The following PCDHGC3 variants were observed in gnomAD, a reference collection of about 807,000 sequenced individuals.
The protein encoded by PCDHGC3 is protocadherin gamma-C3.
A neutral mutation model predicts 59.2 loss-of-function variants in PCDHGC3; 26 were observed. The observed-to-expected ratio is 0.44, with a 90% CI of 0.32 to 0.61. The LOEUF is 0.61. PCDHGC3 is among the 20% of genes least tolerant of loss of function. PCDHGC3 has a pLI of 0.05. For missense variants in PCDHGC3, 1,080 were observed against 1,221.8 expected (o/e 0.88, Z 1.73); for synonymous variants, 487 against 519.7 (o/e 0.94, Z 0.86).
In PCDHGC3 at chr5:141,478,408, G is replaced by C; in HGVS notation, c.2292G>C (p.Thr764=). The stretch of plus-strand genomic sequence containing the variant: ...TTTACCATCAGGTGTATCTCACCAC[G>C]GACTCCCGCCGCAGCGACCCGCTGC... ...PHLYHQVYLT[T]DSRRSDPLLK... The change falls in exon 1 of 4, where the codon ACG becomes ACC. Residue 764 remains threonine, a synonymous_variant. Coordinates refer to ENST00000308177, the MANE Select transcript of PCDHGC3 (RefSeq NM_002588.4). The C allele has an allele frequency of 6.2e-7, 1 of 1,613,340 alleles. No homozygotes were observed. The highest frequency in any genetic ancestry group is 8.5e-7 in the Non-Finnish European group (1 of 1,179,974).
chr5:141,511,391 C>G lies in PCDHGC3; in HGVS notation c.*218C>G. ...TGCAAAAGCAGTTCCGCTGGGAACC[C>G]CCATCCAATCAACTGCTGTACCCAT... is the stretch of plus-strand genomic sequence containing the variant. On this transcript the variant is annotated 3_prime_UTR_variant, in exon 4 of 4. Coordinates refer to ENST00000308177, the MANE Select transcript of PCDHGC3 (RefSeq NM_002588.4). 2.8e-6 allele frequency: 3 copies of G among 1,079,748 alleles called. No homozygotes were observed. The highest frequency in any genetic ancestry group is 3.3e-5 in the South Asian group (2 of 60,136). The allele number at this position is 1,079,748 out of a possible 1,614,324, so 66.9% of individuals were successfully genotyped here. A position where few individuals can be genotyped will look rare whatever the true frequency, so the allele number is the denominator to read the frequency against.
rs1391608601 is a variant in PCDHGC3 at position 141,511,893 on chromosome 5, A to G, written c.*720A>G. The G allele has an allele frequency of 6.4e-6, 1 of 155,062 alleles. No homozygotes were observed. Among genetic ancestry groups the G allele is most frequent in the East Asian group, 1.9e-4 (1 of 5,240 alleles). 9.6% of individuals were successfully genotyped at this position (155,062 alleles called of 1,614,324 possible). A position where few individuals can be genotyped will look rare whatever the true frequency, so the allele number is the denominator to read the frequency against. On this transcript the variant is annotated 3_prime_UTR_variant, in exon 4 of 4. Transcript: ENST00000308177. ...TCCACTGCATGCCTTGACTTCCCCC[A>G]CCTCCTCCTCAAACAAGAGACTCCA...
rs756761584 is a variant in PCDHGC3 at position 141,476,545 on chromosome 5, G to A, written c.429G>A (p.Glu143=). 13 of 1,614,230 alleles carry A rather than the reference G, an allele frequency of 8.1e-6. No homozygotes were observed. The Admixed American group carries it at 2.2e-4, about 27-fold the overall frequency. Residue 143 remains glutamate, a synonymous_variant, in exon 1 of 4, where the codon GAG becomes GAA. Coordinates refer to ENST00000308177, the MANE Select transcript of PCDHGC3 (RefSeq NM_002588.4). This position sits in a 1 kb window ranked among gnomAD's most constrained non-coding sequence, Gnocchi z 7.6. ...PAFPTQEMKL[E]ISEAVAPGTR... ...TCCCTACCCAGGAAATGAAATTGGA[G>A]ATTAGCGAGGCCGTGGCTCCGGGGA...
At chr5:141,506,563 C>T (rs925780739) in intron 3 of PCDHGC3, among the ~76,000 whole-genome samples, 2 of 152,062 alleles carry the variant, frequency 1.3e-5, no homozygotes, top group Non-Finnish European at 2.9e-5. Context: ...TAAACCCCCT[C>T]GGTTTCACTT....
chr5:141,487,006 G>A lies in PCDHGC3; in HGVS notation c.2431-7801G>A. ...ATGCTTGGGTTTCCTATCAGCTCCT[G>A]GAGGCCCCAGATCCCAGCCTGTTTG... On this transcript the variant is annotated intron_variant, in intron 1 of 3. Transcript: ENST00000308177. This position sits in a 1 kb window ranked among gnomAD's most constrained non-coding sequence, Gnocchi z 5.0. 1 of 1,614,206 alleles carries A rather than the reference G, an allele frequency of 6.2e-7. No homozygotes were observed. The highest frequency in any genetic ancestry group is 8.5e-7 in the Non-Finnish European group (1 of 1,180,042).
chr5:141,510,083 G>A (rs2099879432), intron 3 of PCDHGC3, among the ~76,000 whole-genome samples: 1 of 152,104 alleles, frequency 6.6e-6, no homozygotes, highest in Non-Finnish European at 1.5e-5. Flanking sequence ...CAGAGTGCCT[G>A]GCACACAGTA....
Position 141,490,563 on chromosome 5 carries a change from G to C in PCDHGC3, c.2431-4244G>C. On this transcript the variant is annotated intron_variant, in intron 1 of 3. Coordinates refer to ENST00000308177, the MANE Select transcript of PCDHGC3 (RefSeq NM_002588.4). This position sits in a 1 kb window ranked among gnomAD's most constrained non-coding sequence, Gnocchi z 5.4. ...CCCTACACAAACATCTCACCATCAG[G>C]CTCAACATTTCAGATGTCAATGACA... 1 of 1,614,022 alleles carries C rather than the reference G, an allele frequency of 6.2e-7. No individual in the cohort carries two copies. Among genetic ancestry groups the C allele is most frequent in the Non-Finnish European group, 8.5e-7 (1 of 1,180,008 alleles).
chr5:141,509,809 A>G (rs13163163), intron 3 of PCDHGC3, among the ~76,000 whole-genome samples: 35,240 of 151,962 alleles, frequency 0.23, 4,247 homozygotes, highest in Admixed American at 0.33. Context: ...CATAGAGCCG[A>G]GCTCTTCTCC....
chr5:141,486,421 G>A lies in PCDHGC3; in HGVS notation c.2430+7875G>A, dbSNP rs772631503. ...TGACTGCTGGACCCTTGGATCGAGA[G>A]GCCAAATCTAGCTATGACATCATGG... On this transcript the variant is annotated intron_variant, in intron 1 of 3. Coordinates refer to ENST00000308177, the MANE Select transcript of PCDHGC3 (RefSeq NM_002588.4). This position sits in a 1 kb window ranked among gnomAD's most constrained non-coding sequence, Gnocchi z 5.0. 2.5e-6 allele frequency: 4 copies of A among 1,614,152 alleles called. No homozygotes were observed. In the East Asian group the frequency reaches 6.7e-5, roughly 27 times the overall value.
Position 141,511,186 on chromosome 5 carries a change from G to A in PCDHGC3, c.*13G>A. 1 of 1,613,906 alleles carries A rather than the reference G, an allele frequency of 6.2e-7. No individual in the cohort carries two copies. The highest frequency in any genetic ancestry group is 8.5e-7 in the Non-Finnish European group (1 of 1,179,890). ...GGAGAAGAAGTAACATGGAGGCCAG[G>A]CCAAGAGCCACAGGGCGGCCTCTCC... On this transcript the variant is annotated 3_prime_UTR_variant, in exon 4 of 4. Transcript: ENST00000308177.
rs776349562 is a variant in PCDHGC3 at position 141,491,131 on chromosome 5, G to T, written c.2431-3676G>T. The T allele has an allele frequency of 6.2e-7, 1 of 1,614,182 alleles. No individual in the cohort carries two copies. Among genetic ancestry groups the T allele is most frequent in the Non-Finnish European group, 8.5e-7 (1 of 1,180,008 alleles). On this transcript the variant is annotated intron_variant, in intron 1 of 3. Coordinates refer to ENST00000308177, the MANE Select transcript of PCDHGC3 (RefSeq NM_002588.4). This position sits in a 1 kb window ranked among gnomAD's most constrained non-coding sequence, Gnocchi z 6.9. ...TACACACACTGGTGAGGTGCGCACA[G>T]CCCGGGCCTTACTGGAGGATGACTC...
At chr5:141,509,071 G>T (rs1209992467) in intron 3 of PCDHGC3, among the ~76,000 whole-genome samples, 1 of 152,176 alleles carries the variant, frequency 6.6e-6, no homozygotes, top group Admixed American at 6.5e-5. Flanking sequence ...CAGCTCCGGG[G>T]ATTTGCGACA....
Position 141,491,732 on chromosome 5 carries a change from C to G in PCDHGC3, c.2431-3075C>G. ...GGCTCGGCGCCGCCCCGGGCGACCC[C>G]TGGGGGCGGCACTGGAGAAGCCGCC... On this transcript the variant is annotated intron_variant, in intron 1 of 3. Coordinates refer to ENST00000308177, the MANE Select transcript of PCDHGC3 (RefSeq NM_002588.4). This position sits in a 1 kb window ranked among gnomAD's most constrained non-coding sequence, Gnocchi z 6.9. The G allele has an allele frequency of 1.2e-6, 2 of 1,602,752 alleles. No individual in the cohort carries two copies. Among genetic ancestry groups the G allele is most frequent in the Non-Finnish European group, 1.7e-6 (2 of 1,175,308 alleles).
intron 2 of PCDHGC3, among the ~76,000 whole-genome samples, chr5:141,505,007 C>T (rs1210694913): frequency 6.6e-6 from 1 of 152,050 alleles, no homozygotes; most frequent in Non-Finnish European, 1.5e-5. Flanking sequence ...ACTAAAAATA[C>T]AAAAATTAGC....
Position 141,489,533 on chromosome 5 carries a change from C to G in PCDHGC3, c.2431-5274C>G, listed in dbSNP as rs754586925. The G allele has an allele frequency of 6.2e-7, 1 of 1,614,086 alleles. No individual in the cohort carries two copies. The highest frequency in any genetic ancestry group is 1.7e-5 in the Admixed American group (1 of 60,030). ...ATTGACCGAGAAAGCCTATGTGGAG[C>G]CAGCACCAGCTGCCTGCTGCCAGTG... On this transcript the variant is annotated intron_variant, in intron 1 of 3. Coordinates refer to ENST00000308177, the MANE Select transcript of PCDHGC3 (RefSeq NM_002588.4). The surrounding 1 kb of genome is among the most constrained non-coding windows in gnomAD (Gnocchi z 4.5).
At position 141,496,642 on chromosome 5, in the gene PCDHGC3, G is replaced by C. The variant is rs1053400475; in HGVS notation, c.2489+1777G>C. Among the ~76,000 whole-genome samples the C allele has an allele frequency of 6.6e-5, 10 of 152,318 alleles. No individual in the cohort carries two copies. In the East Asian group the frequency reaches 1.5e-3, roughly 24 times the overall value. ...AGATCAAAAGGCTTGGGCTGCCCTT[G>C]CCCTTCCTTTGACCCCAGCTGTTGT... On this transcript the variant is annotated intron_variant, in intron 2 of 3. Transcript: ENST00000308177.
rs201968743 is a variant in PCDHGC3, at chr5:141,490,095, A to G, written c.2431-4712A>G. On this transcript the variant is annotated intron_variant, in intron 1 of 3. Coordinates refer to ENST00000308177, the MANE Select transcript of PCDHGC3 (RefSeq NM_002588.4). The surrounding 1 kb of genome is among the most constrained non-coding windows in gnomAD (Gnocchi z 5.4). ...TAGACTATTCTTTTGGAGACCACAC[A>G]TCTGAGGCAGTGCGGAACCTCTTTG... 2.4e-4 allele frequency: 394 copies of G among 1,614,156 alleles called. No individual in the cohort carries two copies. The highest frequency in any genetic ancestry group is 3.1e-4 in the Non-Finnish European group (363 of 1,180,054).
chr5:141,479,928 C>T (rs1309777916), intron 1 of PCDHGC3, among the ~76,000 whole-genome samples: 1 of 152,222 alleles, frequency 6.6e-6, no homozygotes, highest in African/African-American at 2.4e-5. Flanking sequence ...CTCAGTGCAT[C>T]ATTGCTATCA....
At chr5:141,480,240 CAAA>C (rs11374694) in intron 1 of PCDHGC3, among the ~76,000 whole-genome samples, 1 of 114,046 alleles carries the variant, frequency 8.8e-6, no homozygotes, top group African/African-American at 3.3e-5. Flanking sequence ...CCTGTCTCTA[CAAA>C]AAAAAAAAAA....
Sources: allele counts gnomAD v4.1 joint callset (sites outside exome capture counted in the v4.1 genomes callset), GRCh38; gene constraint gnomAD v4.1.1; non-coding constraint Gnocchi (gnomAD v3.1); transcripts MANE v1.5; gene names NCBI Gene and HGNC (gene_info 2026-07-23, HGNC 2026-07-21).